Variants in PIGN observed in about 807,000 individuals in gnomAD.
PIGN encodes GPI ethanolamine phosphate transferase 1.
In PIGN, 117 loss-of-function variants were observed where a neutral mutation model predicts 125.4. That is an observed-to-expected ratio of 0.93 (90% confidence interval 0.80 to 1.09). PIGN has a LOEUF of 1.09. Ranked by LOEUF, PIGN falls within the 50% of genes least tolerant of loss-of-function variation. The pLI, the probability that PIGN is intolerant of heterozygous loss-of-function variation, is 0.00. For synonymous variants in PIGN, 392 were observed against 377.8 expected (o/e 1.04, Z -0.44); for missense variants, 1,075 against 1,094.9 (o/e 0.98, Z 0.26).
chr18:62,098,060 C>T (rs375605211), intron 22 of PIGN, among the ~76,000 whole-genome samples: 2 of 152,270 alleles, frequency 1.3e-5, no homozygotes, highest in African/African-American at 4.8e-5. Flanking sequence ...ATTTACCCAC[C>T]TGTCAAATAG....
At chr18:62,035,336 G>A (rs1397618533) in intron 23 of PIGN, among the ~76,000 whole-genome samples, 1 of 152,132 alleles carries the variant, frequency 6.6e-6, no homozygotes. Context: ...ACTGATTTTT[G>A]TATAGTTATA....
At chr18:62,138,413 G>T in intron 13 of PIGN, 115 bp from the exon 14 acceptor site, 11 of 1,325,316 alleles carry the variant, frequency 8.3e-6, no homozygotes, top group Middle Eastern at 2.7e-4. Context: ...GAAAATAAAT[G>T]GAATTTTATG....
chr18:62,031,564 G>A (rs1472881672), intron 23 of PIGN, among the ~76,000 whole-genome samples: 2 of 152,066 alleles, frequency 1.3e-5, no homozygotes, highest in Non-Finnish European at 2.9e-5. Flanking sequence ...AAGAAGCACA[G>A]TATTCCTAAA....
chr18:62,084,256 T>G (rs1302763858), intron 27 of PIGN, among the ~76,000 whole-genome samples: 1 of 152,208 alleles, frequency 6.6e-6, no homozygotes, highest in Non-Finnish European at 1.5e-5. Context: ...GCACTGCAGT[T>G]TGATCCATAG....
chr18:62,183,871 ATAAAG>A (rs1041053618), intron 1 of PIGN, among the ~76,000 whole-genome samples: 1 of 152,096 alleles, frequency 6.6e-6, no homozygotes, highest in African/African-American at 2.4e-5. Context: ...ACCTTTTATG[ATAAAG>A]TAATTTACTA....
chr18:62,111,823 A>G (rs1599547809), intron 16 of PIGN, among the ~76,000 whole-genome samples: 1 of 152,166 alleles, frequency 6.6e-6, no homozygotes, highest in Admixed American at 6.6e-5. Context: ...AAGATTGGAT[A>G]CCCTTGCCAG....
chr18:62,101,012 A>G, intron 22 of PIGN, 63 bp downstream of exon 22: 1 of 844,810 alleles, frequency 1.2e-6, no homozygotes, highest in South Asian at 1.3e-5. Flanking sequence ...AGACATAAAC[A>G]GATCATTTTA....
intron 23 of PIGN, among the ~76,000 whole-genome samples, chr18:62,027,499 C>T (rs771162676): frequency 6.6e-5 from 10 of 152,162 alleles, no homozygotes; most frequent in Non-Finnish European, 1.0e-4. Flanking sequence ...GGCGGGACAA[C>T]GCGAAGCAAA....
At chr18:62,084,384 G>C (rs774995014) in intron 27 of PIGN, 147 bp downstream of exon 27, 6 of 541,792 alleles carry the variant, frequency 1.1e-5, no homozygotes, top group Non-Finnish European at 2.0e-5. Flanking sequence ...GTGGTTTGGA[G>C]TAAGGGATAG....
At chr18:62,061,694 C>T (rs936082818) in intron 30 of PIGN, among the ~76,000 whole-genome samples, 1 of 152,114 alleles carries the variant, frequency 6.6e-6, no homozygotes. Flanking sequence ...ATTCCAATAA[C>T]CCCGGCACCT....
chr18:62,085,168 T>C, intron 26 of PIGN, 41 bp downstream of exon 26: 1 of 1,146,372 alleles, frequency 8.7e-7, no homozygotes, highest in Non-Finnish European at 1.3e-6. Flanking sequence ...GGTTGCATTA[T>C]TTTTTAGTTA....
chr18:62,094,591 T>G (rs546853735), intron 23 of PIGN, among the ~76,000 whole-genome samples: 12 of 152,320 alleles, frequency 7.9e-5, no homozygotes, highest in African/African-American at 2.6e-4. Flanking sequence ...TCCTGAAATT[T>G]CACTAATAAA....
At chr18:62,138,125 C>G in intron 14 of PIGN, 118 bp downstream of exon 14, 1 of 1,348,558 alleles carries the variant, frequency 7.4e-7, no homozygotes, top group Non-Finnish European at 1.0e-6. Context: ...GGAGTTTACA[C>G]TAATGTATAT....
intron 28 of PIGN, among the ~76,000 whole-genome samples, chr18:62,077,680 C>G (rs2033245495): frequency 6.6e-6 from 1 of 152,174 alleles, no homozygotes. Flanking sequence ...ATGGTATCTG[C>G]CTAGTAAATA....
intron 30 of PIGN, among the ~76,000 whole-genome samples, chr18:62,057,440 C>T (rs2031812070): frequency 6.6e-6 from 1 of 152,096 alleles, no homozygotes; most frequent in African/African-American, 2.4e-5. Flanking sequence ...ATCCTATCAA[C>T]CTCTCTGAAA....
chr18:62,088,765 G>T lies in PIGN; in HGVS notation c.2361C>A (p.Ala787=), dbSNP rs1391095366. The change falls in exon 25 of 31, where the codon GCC becomes GCA. Residue 787 remains alanine (A), a synonymous_variant. Coordinates refer to ENST00000640252, the MANE Select transcript of PIGN (RefSeq NM_176787.5). ...TCTCCACAAAGGATACAAGGAAAAA[G>T]GCCCTACGGATGTCATCCAGATATA... ...RQLYLDDIRR[A]FFLVFFLVTA... The T allele has an allele frequency of 1.3e-6, 2 of 1,550,488 alleles. No individual in the cohort carries two copies. Among genetic ancestry groups the T allele is most frequent in the Non-Finnish European group, 1.8e-6 (2 of 1,140,626 alleles).
At chr18:62,094,106 C>A (rs1025161604) in intron 23 of PIGN, among the ~76,000 whole-genome samples, 1 of 151,936 alleles carries the variant, frequency 6.6e-6, no homozygotes, top group Non-Finnish European at 1.5e-5. Flanking sequence ...TTGGGCATCT[C>A]CTATGACTAT....
rs572422632 is a variant in PIGN at position 62,148,444 on chromosome 18, C to T, written c.550-106G>A. 451 of 761,378 alleles carry T rather than the reference C, an allele frequency of 5.9e-4. 3 individuals carry two copies. In the African/African-American group the frequency reaches 7.5e-3, roughly 13 times the overall value. The allele number at this position is 761,378 out of a possible 1,614,324, so 47.2% of individuals were successfully genotyped here. ...ATGCATAAGTACAAAATTAAATTATCTCACGTTGTTTAAATCTGTGCTCAA... is the reference window on the plus strand; with the variant it reads ...ATGCATAAGTACAAAATTAAATTATTTCACGTTGTTTAAATCTGTGCTCAA... On this transcript the variant is annotated intron_variant, in intron 7 of 30. Coordinates refer to ENST00000640252, the MANE Select transcript of PIGN (RefSeq NM_176787.5).
chr18:62,126,213 T>C (rs1228333117), intron 14 of PIGN, among the ~76,000 whole-genome samples: 1 of 152,134 alleles, frequency 6.6e-6, no homozygotes, highest in Non-Finnish European at 1.5e-5. Context: ...CTGTTTGTCC[T>C]AAGATTCTTT....
Sources: gnomAD v4.1 joint callset for allele counts (sites outside exome capture counted in the v4.1 genomes callset) on GRCh38, gnomAD v4.1.1 for gene constraint, MANE v1.5 for transcripts, NCBI Gene and HGNC (gene_info 2026-07-23, HGNC 2026-07-21) for gene names.